Variants in PRKCB observed in about 807,000 individuals in gnomAD.
The protein encoded by PRKCB is protein kinase C beta, also known as protein kinase C beta type.
Under a neutral mutation model 81.5 loss-of-function variants are expected in PRKCB, and 13 were observed. The observed-to-expected ratio is 0.16, with a 90% CI of 0.10 to 0.25. The LOEUF is 0.25. Among genes scored for constraint, PRKCB ranks in the 10% least tolerant of loss-of-function variants. The pLI is 1.00. For missense variants in PRKCB, 509 were observed against 875.7 expected (o/e 0.58, Z 5.29); for synonymous variants, 335 against 321.4 (o/e 1.04, Z -0.45).
At chr16:24,026,212 T>C (rs538902688) in intron 3 of PRKCB, among the ~76,000 whole-genome samples, 1 of 152,256 alleles carries the variant, frequency 6.6e-6, no homozygotes, top group East Asian at 1.9e-4. Context: ...GAAGGGTCGC[T>C]TGAACCTGGG....
At position 24,216,268 on chromosome 16, in the gene PRKCB, C is replaced by T. The variant is rs997672566; in HGVS notation, c.*1452C>T. 1.4e-5 allele frequency: 14 copies of T among 985,274 alleles called. No homozygotes were observed. Among genetic ancestry groups the T allele is most frequent in the African/African-American group, 8.7e-5 (5 of 57,216 alleles). 61.0% of individuals were successfully genotyped at this position (985,274 alleles called of 1,614,324 possible). A position where few individuals can be genotyped will look rare whatever the true frequency, so the allele number is the denominator to read the frequency against. On this transcript the variant is annotated 3_prime_UTR_variant, in exon 17 of 17. Transcript: ENST00000643927. Reference sequence around the variant, plus strand: ...GTCAAGTTTAGAGACCAGCTGGGAACGTGAATGGGGCTCTTGATTTTCTTA... The same window carrying T: ...GTCAAGTTTAGAGACCAGCTGGGAATGTGAATGGGGCTCTTGATTTTCTTA...
At position 24,215,311 on chromosome 16, in the gene PRKCB, C is replaced by T; in HGVS notation, c.*495C>T. 1 of 986,178 alleles carries T rather than the reference C, an allele frequency of 1.0e-6. No homozygotes were observed. The highest frequency in any genetic ancestry group is 1.2e-6 in the Non-Finnish European group (1 of 830,174). 61.1% of individuals were successfully genotyped at this position (986,178 alleles called of 1,614,324 possible). On this transcript the variant is annotated 3_prime_UTR_variant, in exon 17 of 17. Transcript: ENST00000643927. The stretch of plus-strand genomic sequence containing the variant: ...CACCAGACCTTGAAAAGAACATGCT[C>T]AAAATAAAATGTTATCTGTTATTTT...
chr16:24,195,600 G>A (rs963372009), intron 16 of PRKCB, among the ~76,000 whole-genome samples: 12 of 152,160 alleles, frequency 7.9e-5, no homozygotes, highest in African/African-American at 2.7e-4. Context: ...TTTTATTGTG[G>A]CAAGGAGCTG....
chr16:24,049,047 G>GTTT (rs1160842975), intron 5 of PRKCB, among the ~76,000 whole-genome samples: 762 of 49,710 alleles, frequency 0.015, 188 homozygotes, highest in African/African-American at 0.043. Context: ...AAATTGGCCT[G>GTTT]TTTTTTTTTT....
rs1164742860 is a variant in PRKCB at position 24,125,115 on chromosome 16, TAATTAATC to T, written c.1065+1135_1065+1142del. ...ATTGCAATCCCAATCTTGTTACCTA[TAATTAATC>T]GTTACCTATAATTAATTGCAATCCC... On this transcript the variant is annotated intron_variant, in intron 9 of 16. Transcript: ENST00000643927. 2.3e-5 allele frequency among the ~76,000 whole-genome samples: 3 copies of T among 131,674 alleles called. No individual in the cohort carries two copies. The East Asian group carries it at 6.4e-4, about 28-fold the overall frequency. The allele number at this position is 131,674 out of a possible 152,430, so 86.4% of individuals were successfully genotyped here.
chr16:24,150,753 C>T (rs372276032), intron 9 of PRKCB, among the ~76,000 whole-genome samples: 9 of 152,342 alleles, frequency 5.9e-5, no homozygotes, highest in African/African-American at 2.2e-4. Context: ...CACTCATTCT[C>T]TTGATCCAGA....
At chr16:24,015,361 C>T (rs987813168) in intron 3 of PRKCB, among the ~76,000 whole-genome samples, 12 of 152,328 alleles carry the variant, frequency 7.9e-5, no homozygotes, top group African/African-American at 2.9e-4. Flanking sequence ...GTTGAATTTG[C>T]ACATTCCAGC....
intron 10 of PRKCB, among the ~76,000 whole-genome samples, chr16:24,158,955 C>A (rs1391961911): frequency 6.6e-6 from 1 of 152,150 alleles, no homozygotes; most frequent in Non-Finnish European, 1.5e-5. Flanking sequence ...GCCACCACAC[C>A]CAGCCTGAAG....
intron 9 of PRKCB, among the ~76,000 whole-genome samples, chr16:24,146,978 G>T (rs1191642696): frequency 1.3e-5 from 2 of 152,104 alleles, no homozygotes; most frequent in Admixed American, 1.3e-4. Context: ...CAGGGCAATG[G>T]CTACTTTTCT....
intron 10 of PRKCB, among the ~76,000 whole-genome samples, chr16:24,163,470 C>G (rs1023575635): frequency 1.3e-5 from 2 of 152,204 alleles, no homozygotes; most frequent in Admixed American, 6.5e-5. Flanking sequence ...CTTATGCTCT[C>G]TGTTTTCTTG....
chr16:23,910,049 C>T (rs903072657), intron 2 of PRKCB, among the ~76,000 whole-genome samples: 9 of 152,264 alleles, frequency 5.9e-5, no homozygotes, highest in African/African-American at 1.7e-4. Flanking sequence ...AGAGCATTGT[C>T]GTGAAACCTT....
intron 2 of PRKCB, among the ~76,000 whole-genome samples, chr16:23,915,709 A>AAAAAAAAAAAAAAAAAAAT (rs1963727317): frequency 6.6e-6 from 1 of 150,842 alleles, no homozygotes; most frequent in South Asian, 2.1e-4. Context: ...AAAAAAAAAA[A>AAAAAAAAAAAAAAAAAAAT]AAAGCAGAAA....
chr16:23,873,168 A>AC (rs1423546986), intron 2 of PRKCB, among the ~76,000 whole-genome samples: 1,678 of 97,388 alleles, frequency 0.017, 24 homozygotes, highest in East Asian at 0.079. Flanking sequence ...TCTCTACTAA[A>AC]AACACACACA....
intron 5 of PRKCB, among the ~76,000 whole-genome samples, chr16:24,069,608 C>T (rs925330071): frequency 6.6e-6 from 1 of 152,134 alleles, no homozygotes; most frequent in Non-Finnish European, 1.5e-5. Context: ...CAGGCATGGT[C>T]GTACACCTGT....
At chr16:23,894,901 G>T (rs956252498) in intron 2 of PRKCB, among the ~76,000 whole-genome samples, 1 of 151,916 alleles carries the variant, frequency 6.6e-6, no homozygotes, top group Non-Finnish European at 1.5e-5. Flanking sequence ...TCTTTGACAA[G>T]TTTTTGCTAT....
intron 7 of PRKCB, among the ~76,000 whole-genome samples, chr16:24,105,304 C>T (rs1036912584): frequency 1.3e-5 from 2 of 152,098 alleles, no homozygotes; most frequent in African/African-American, 4.8e-5. Flanking sequence ...ATCTGCCCAC[C>T]TTGGCCTCCC....
intron 8 of PRKCB, among the ~76,000 whole-genome samples, chr16:24,114,062 C>G (rs1207783824): frequency 6.6e-6 from 1 of 150,986 alleles, no homozygotes; most frequent in Non-Finnish European, 1.5e-5. Context: ...ACTAAAAATA[C>G]AAAAAAATTA....
Position 24,094,290 on chromosome 16 carries a change from G to A in PRKCB, c.814G>A (p.Asp272Asn). 1.2e-6 allele frequency: 2 copies of A among 1,614,036 alleles called. No homozygotes were observed. Among genetic ancestry groups the A allele is most frequent in the Non-Finnish European group, 1.7e-6 (2 of 1,179,964 alleles). Reference protein sequence around the residue: ...GISELQKASVDGWFKLLSQEE... With the variant: ...GISELQKASVNGWFKLLSQEE... Reference sequence around the variant, plus strand: ...TTCTGAACTTCAGAAAGCCAGTGTTGATGGCTGGTAAGTAAGATTTTGCCT... The same window carrying A: ...TTCTGAACTTCAGAAAGCCAGTGTTAATGGCTGGTAAGTAAGATTTTGCCT... The change falls in exon 7 of 17, where the codon GAT becomes AAT. Residue 272 changes from aspartate (D) to asparagine (N), a missense_variant. Physicochemically the swap from Asp to Asn is conservative, Grantham distance 23. Around this residue, in one of 6 missense-constraint regions of PRKCB, gnomAD observed 184 missense variants for 362.9 expected, o/e 0.51. Transcript: ENST00000643927.
At chr16:24,114,686 A>C (rs1966716107) in intron 8 of PRKCB, among the ~76,000 whole-genome samples, 1 of 152,218 alleles carries the variant, frequency 6.6e-6, no homozygotes, top group Non-Finnish European at 1.5e-5. Context: ...TTCCTGAGGA[A>C]AAGCACATTA....
Sources: allele counts gnomAD v4.1 joint callset (sites outside exome capture counted in the v4.1 genomes callset), GRCh38; gene constraint gnomAD v4.1.1; regional missense constraint gnomAD v4.1.1; transcripts MANE v1.5; gene names NCBI Gene and HGNC (gene_info 2026-07-23, HGNC 2026-07-21).